The following TMEM117 variants were observed in gnomAD, a reference collection of about 807,000 sequenced individuals.
TMEM117 encodes the protein transmembrane protein 117.
Under a neutral mutation model 52.4 loss-of-function variants are expected in TMEM117, and 27 were observed. The observed-to-expected ratio is 0.51, with a 90% CI of 0.38 to 0.71. TMEM117 has a LOEUF of 0.71. TMEM117 is among the 30% of genes least tolerant of loss of function. The probability of loss-of-function intolerance (pLI) is 0.00; values close to 1 mark genes in which losing one functional copy is unlikely to be tolerated. For missense variants in TMEM117, 556 were observed against 630.5 expected (o/e 0.88, Z 1.26); for synonymous variants, 215 against 206.3 (o/e 1.04, Z -0.36).
At chr12:43,967,793 G>T (rs1945510474) in intron 3 of TMEM117, among the ~76,000 whole-genome samples, 1 of 152,180 alleles carries the variant, frequency 6.6e-6, no homozygotes, top group Non-Finnish European at 1.5e-5. Context: ...GATACATTTG[G>T]TGATAATTTA....
chr12:43,917,002 T>TA (rs1159149059), intron 2 of TMEM117, among the ~76,000 whole-genome samples: 1 of 152,160 alleles, frequency 6.6e-6, no homozygotes, highest in Non-Finnish European at 1.5e-5. Flanking sequence ...AGCCATTAGT[T>TA]ACCTTAACCA....
In TMEM117 at chr12:44,267,251, A is replaced by C. The variant is rs945077360; in HGVS notation, c.609-32329A>C. On this transcript the variant is annotated intron_variant, in intron 5 of 7. Coordinates refer to ENST00000266534, the MANE Select transcript of TMEM117 (RefSeq NM_032256.3). The stretch of plus-strand genomic sequence containing the variant: ...ACTTATTATGTTACATTTATTTTTA[A>C]ATATTTAGTTCTTTTTGATGTTATC... 5.9e-5 allele frequency among the ~76,000 whole-genome samples: 9 copies of C among 151,854 alleles called. No homozygotes were observed. In the East Asian group the frequency reaches 1.7e-3, roughly 29 times the overall value.
At chr12:44,135,555 A>C (rs1323080039) in intron 3 of TMEM117, among the ~76,000 whole-genome samples, 2 of 152,182 alleles carry the variant, frequency 1.3e-5, no homozygotes, top group Non-Finnish European at 2.9e-5. Flanking sequence ...GGAGTAAATC[A>C]TTGGGAAATA....
At chr12:44,097,900 A>G (rs560929306) in intron 3 of TMEM117, among the ~76,000 whole-genome samples, 1 of 152,090 alleles carries the variant, frequency 6.6e-6, no homozygotes, top group African/African-American at 2.4e-5. Context: ...GTAATCTGGA[A>G]TAGGTCAAAA....
At chr12:43,953,083 C>A (rs1355369327) in intron 3 of TMEM117, among the ~76,000 whole-genome samples, 1 of 152,038 alleles carries the variant, frequency 6.6e-6, no homozygotes, top group Non-Finnish European at 1.5e-5. Context: ...CTTTTTCAGA[C>A]AAACAAATGC....
chr12:44,367,097 C>T (rs2138824532), intron 6 of TMEM117, among the ~76,000 whole-genome samples: 1 of 152,222 alleles, frequency 6.6e-6, no homozygotes. Context: ...TACCAAAATT[C>T]AACTTATTTT....
intron 4 of TMEM117, among the ~76,000 whole-genome samples, chr12:44,153,079 T>C (rs1948778613): frequency 6.6e-6 from 1 of 151,820 alleles, no homozygotes; most frequent in Admixed American, 6.6e-5. Flanking sequence ...CATAGCTTCA[T>C]ATTTCAAGTT....
At chr12:44,267,422 G>T (rs1371826961) in intron 5 of TMEM117, among the ~76,000 whole-genome samples, 3 of 152,126 alleles carry the variant, frequency 2.0e-5, no homozygotes, top group East Asian at 3.9e-4. Context: ...AATGAATTTG[G>T]AAATAAGAAT....
At chr12:44,256,227 A>G (rs1381137872) in intron 5 of TMEM117, among the ~76,000 whole-genome samples, 1 of 151,848 alleles carries the variant, frequency 6.6e-6, no homozygotes, top group Non-Finnish European at 1.5e-5. Flanking sequence ...TAAAAATTTT[A>G]TATTTACACA....
chr12:43,856,187 CTATA>C (rs1446140109), intron 2 of TMEM117, among the ~76,000 whole-genome samples: 1 of 152,120 alleles, frequency 6.6e-6, no homozygotes, highest in Non-Finnish European at 1.5e-5. Flanking sequence ...CAGACGCTGT[CTATA>C]TAGCCAAATG....
At chr12:43,877,210 A>G (rs187482339) in intron 2 of TMEM117, among the ~76,000 whole-genome samples, 2 of 152,368 alleles carry the variant, frequency 1.3e-5, no homozygotes, top group Non-Finnish European at 2.9e-5. Flanking sequence ...AAGAATGTGC[A>G]CATTTTTCAC....
chr12:44,164,714 G>A (rs1233154044), intron 4 of TMEM117, among the ~76,000 whole-genome samples: 4 of 152,084 alleles, frequency 2.6e-5, no homozygotes, highest in Admixed American at 1.3e-4. Flanking sequence ...TGATAGAGGG[G>A]GCAATTGAGG....
At chr12:44,395,335 C>G in the TMEM117 span, among the ~76,000 whole-genome samples, 88 of 152,182 alleles carry the variant, frequency 5.8e-4, 1 homozygote, top group Non-Finnish European at 1.1e-3. Flanking sequence ...GTCCACTATC[C>G]TATTCCCCAT....
At chr12:43,811,217 T>C in the TMEM117 span, among the ~76,000 whole-genome samples, 2 of 152,228 alleles carry the variant, frequency 1.3e-5, no homozygotes, top group African/African-American at 4.8e-5. Flanking sequence ...GTGAGTCTTC[T>C]TGAAAGGCTT....
At chr12:44,243,420 A>G (rs1950088681) in intron 5 of TMEM117, among the ~76,000 whole-genome samples, 1 of 151,928 alleles carries the variant, frequency 6.6e-6, no homozygotes, top group Non-Finnish European at 1.5e-5. Context: ...AAATGTAAAA[A>G]TTAGATTAAA....
intron 3 of TMEM117, among the ~76,000 whole-genome samples, chr12:44,098,359 A>G (rs1947807546): frequency 6.6e-6 from 1 of 152,060 alleles, no homozygotes; most frequent in Non-Finnish European, 1.5e-5. Context: ...TCTCCTTTGA[A>G]GACAGAGACA....
At chr12:44,079,166 A>G (rs930829162) in intron 3 of TMEM117, among the ~76,000 whole-genome samples, 2 of 152,148 alleles carry the variant, frequency 1.3e-5, no homozygotes, top group African/African-American at 2.4e-5. Flanking sequence ...TAGTGCTGCA[A>G]TAAACATATA....
chr12:44,009,851 C>A, intron 3 of TMEM117: 2 of 273,584 alleles, frequency 7.3e-6, no homozygotes, highest in South Asian at 6.2e-5. Context: ...GCAAAATGGT[C>A]AGGAACTGCT....
At chr12:44,218,720 A>G (rs965684160) in intron 5 of TMEM117, among the ~76,000 whole-genome samples, 2 of 152,214 alleles carry the variant, frequency 1.3e-5, no homozygotes, top group Admixed American at 6.5e-5. Context: ...CATATTACCT[A>G]TCAGTCATTA....
Sources: allele counts gnomAD v4.1 joint callset (sites outside exome capture counted in the v4.1 genomes callset), GRCh38; gene constraint gnomAD v4.1.1; transcripts MANE v1.5; gene names NCBI Gene and HGNC (gene_info 2026-07-23, HGNC 2026-07-21).